Variants in SHANK2 observed in about 807,000 individuals in gnomAD.
SHANK2 encodes SH3 and multiple ankyrin repeat domains protein 2.
SHANK2 carries 43 observed loss-of-function variants against 133.7 expected under a neutral mutation model. The observed-to-expected ratio is 0.32, with a 90% CI of 0.25 to 0.41. The LOEUF (loss-of-function observed/expected upper bound fraction) is 0.41. Ranked by LOEUF, SHANK2 falls within the 10% of genes least tolerant of loss-of-function variation. The pLI, the probability that SHANK2 is intolerant of heterozygous loss-of-function variation, is 1.00. For missense variants in SHANK2, 1,994 were observed against 2,235.8 expected (o/e 0.89, Z 2.18); for synonymous variants, 1,017 against 952.8 (o/e 1.07, Z -1.24).
chr11:70,529,379 A>T (rs995562689), intron 17 of SHANK2, among the ~76,000 whole-genome samples: 1 of 152,256 alleles, frequency 6.6e-6, no homozygotes, highest in Non-Finnish European at 1.5e-5. Flanking sequence ...TGGCTGGTGC[A>T]GTGGAACCGG....
At chr11:71,204,914 C>T (rs899641483) in intron 2 of SHANK2, among the ~76,000 whole-genome samples, 2 of 152,110 alleles carry the variant, frequency 1.3e-5, no homozygotes, top group African/African-American at 2.4e-5. Context: ...AGGAGGGTCC[C>T]TCTGCAGATG....
intron 2 of SHANK2, among the ~76,000 whole-genome samples, chr11:71,211,735 A>AT (rs1555118907): frequency 3.0e-4 from 45 of 151,438 alleles, no homozygotes; most frequent in Non-Finnish European, 7.4e-5. Flanking sequence ...ACCACTAATT[A>AT]TTTTCTCTAT....
intron 17 of SHANK2, among the ~76,000 whole-genome samples, chr11:70,536,144 C>T (rs2059540542): frequency 6.6e-6 from 1 of 152,214 alleles, no homozygotes; most frequent in African/African-American, 2.4e-5. Context: ...CCCAGGTCTG[C>T]TGGAGGCACC....
At chr11:70,803,477 C>T (rs561340597) in intron 13 of SHANK2, among the ~76,000 whole-genome samples, 5 of 106,534 alleles carry the variant, frequency 4.7e-5, no homozygotes, top group East Asian at 2.8e-4. Flanking sequence ...CAAAGTCCTG[C>T]CTGCAGAGGG....
intron 2 of SHANK2, among the ~76,000 whole-genome samples, chr11:71,222,006 G>A (rs1174065747): frequency 2.0e-5 from 3 of 152,162 alleles, no homozygotes; most frequent in African/African-American, 7.2e-5. Context: ...GAAGCCGCTG[G>A]AGGGTGAAGC....
At chr11:71,213,724 C>T (rs1954336461) in intron 2 of SHANK2, among the ~76,000 whole-genome samples, 1 of 152,190 alleles carries the variant, frequency 6.6e-6, no homozygotes, top group Non-Finnish European at 1.5e-5. Flanking sequence ...ATGTCATCTC[C>T]CTCTCTGGCT....
rs984504918 is a variant in SHANK2, at chr11:70,644,350, C to G, written c.2061+15478G>C. On this transcript the variant is annotated intron_variant, in intron 17 of 25. Coordinates refer to ENST00000601538, the MANE Select transcript of SHANK2 (RefSeq NM_012309.5). The stretch of plus-strand genomic sequence containing the variant: ...CATCCCCTTCCCCAGCCCCCGACAC[C>G]CACCATCCTACTTTCTGTCTCTATG... Among the ~76,000 whole-genome samples the G allele has an allele frequency of 8.3e-4, 126 of 152,300 alleles. 2 individuals are homozygous for G. The highest frequency in any genetic ancestry group is 8.2e-3 in the Admixed American group (126 of 15,302).
At chr11:71,220,143 G>C (rs1369593872) in intron 2 of SHANK2, among the ~76,000 whole-genome samples, 2 of 152,104 alleles carry the variant, frequency 1.3e-5, no homozygotes, top group Non-Finnish European at 2.9e-5. Flanking sequence ...GAGATGGAAA[G>C]GAGGATTGCT....
At chr11:70,617,205 TGA>T (rs1373071222) in intron 17 of SHANK2, among the ~76,000 whole-genome samples, 2 of 151,622 alleles carry the variant, frequency 1.3e-5, no homozygotes, top group Non-Finnish European at 2.9e-5. Context: ...TGTGTGAGTG[TGA>T]GTGTCTGAGT....
chr11:70,930,015 G>T (rs1201459939), intron 10 of SHANK2, among the ~76,000 whole-genome samples: 1 of 152,198 alleles, frequency 6.6e-6, no homozygotes, highest in African/African-American at 2.4e-5. Context: ...CTCTGTCACA[G>T]CTCCTCAACT....
intron 15 of SHANK2, among the ~76,000 whole-genome samples, chr11:70,677,523 G>T (rs1209233092): frequency 6.6e-6 from 1 of 152,194 alleles, no homozygotes; most frequent in Non-Finnish European, 1.5e-5. Context: ...CTTGGCCACA[G>T]CATGGGGGCT....
At chr11:71,061,447 C>T (rs1950984946) in intron 9 of SHANK2, among the ~76,000 whole-genome samples, 1 of 152,204 alleles carries the variant, frequency 6.6e-6, no homozygotes, top group Non-Finnish European at 1.5e-5. Context: ...ACAGGGAGTG[C>T]AGGGTGATAA....
At chr11:70,781,251 G>T (rs1244966071) in intron 14 of SHANK2, among the ~76,000 whole-genome samples, 1 of 151,906 alleles carries the variant, frequency 6.6e-6, no homozygotes, top group Non-Finnish European at 1.5e-5. Flanking sequence ...GTTCACGATT[G>T]TTCTGGAGAT....
intron 2 of SHANK2, among the ~76,000 whole-genome samples, chr11:71,162,140 T>C (rs782747081): frequency 2.0e-5 from 3 of 152,254 alleles, no homozygotes; most frequent in African/African-American, 4.8e-5. Context: ...TGTCTTATTC[T>C]ACTTTTTGTT....
chr11:71,249,958 C>T (rs1948151051), intron 1 of SHANK2, among the ~76,000 whole-genome samples: 2 of 152,144 alleles, frequency 1.3e-5, no homozygotes, highest in South Asian at 4.1e-4. Context: ...GACCAAGACC[C>T]CTAGAAGCCA....
chr11:70,698,868 T>C, intron 14 of SHANK2, 105 bp from the exon 15 acceptor site: 1 of 711,480 alleles, frequency 1.4e-6, no homozygotes, highest in East Asian at 2.7e-5. Context: ...CTCCCCAAAA[T>C]GTGAGATGCA....
chr11:70,492,503 G>C (rs2135763589), intron 21 of SHANK2, 38 bp from the exon 22 acceptor site: 2 of 1,612,968 alleles, frequency 1.2e-6, no homozygotes, highest in East Asian at 2.2e-5. Context: ...AGCAACACCA[G>C]TGGGGGAAGC....
At chr11:70,933,273 TGAA>T (rs1950526442) in intron 10 of SHANK2, 1 of 455,250 alleles carries the variant, frequency 2.2e-6, no homozygotes, top group Admixed American at 2.3e-5. Context: ...CACAAAAAGA[TGAA>T]TACTGTAGGA....
At chr11:70,851,996 C>T (rs1268951583) in intron 11 of SHANK2, among the ~76,000 whole-genome samples, 1 of 152,234 alleles carries the variant, frequency 6.6e-6, no homozygotes, top group African/African-American at 2.4e-5. Context: ...CCCATTCCCA[C>T]CTACTCCTGA....
Sources: allele counts gnomAD v4.1 joint callset (sites outside exome capture counted in the v4.1 genomes callset), GRCh38; gene constraint gnomAD v4.1.1; transcripts MANE v1.5; gene names NCBI Gene and HGNC (gene_info 2026-07-23, HGNC 2026-07-21).